The following GPLD1 variants were observed in gnomAD, a reference collection of about 807,000 sequenced individuals.
The protein encoded by GPLD1 is phosphatidylinositol-glycan-specific phospholipase D.
In GPLD1, 84 loss-of-function variants were observed where a neutral mutation model predicts 112.6. The ratio of observed to expected loss-of-function variants is 0.75; its 90% CI spans 0.63 to 0.89. The LOEUF is 0.89. Among genes scored for constraint, GPLD1 ranks in the 40% least tolerant of loss-of-function variants. The pLI, the probability that GPLD1 is intolerant of heterozygous loss-of-function variation, is 0.00. For synonymous variants in GPLD1, 386 were observed against 403.8 expected (o/e 0.96, Z 0.53); for missense variants, 1,044 against 1,051.5 (o/e 0.99, Z 0.10).
intron 14 of GPLD1, among the ~76,000 whole-genome samples, chr6:24,451,348 TTTTTTGTTTTTGA>T (rs1763079448): frequency 1.3e-5 from 2 of 150,228 alleles, no homozygotes; most frequent in African/African-American, 5.0e-5. Context: ...TTTGTTTTTG[TTTTTTGTTTTTGA>T]GATGGAGTTT....
intron 2 of GPLD1, among the ~76,000 whole-genome samples, chr6:24,480,509 T>C (rs1764166396): frequency 6.6e-6 from 1 of 152,156 alleles, no homozygotes; most frequent in Non-Finnish European, 1.5e-5. Flanking sequence ...TTTTATAAAA[T>C]TTTCAATGAT....
chr6:24,427,795 G>C lies in GPLD1; in HGVS notation c.*1237C>G, dbSNP rs538189641. Among the ~76,000 whole-genome samples, 2 of 132,608 alleles carry C rather than the reference G, an allele frequency of 1.5e-5. No individual in the cohort carries two copies. Among genetic ancestry groups the C allele is most frequent in the East Asian group, 4.4e-4 (2 of 4,540 alleles). 87.0% of individuals were successfully genotyped at this position (132,608 alleles called of 152,430 possible). A position where few individuals can be genotyped will look rare whatever the true frequency, so the allele number is the denominator to read the frequency against. The stretch of plus-strand genomic sequence containing the variant: ...TGGGAGGCGGAGGTTGCAGTGAGCT[G>C]AGATCACATCACTGCACTCCAGCCT... On this transcript the variant is annotated 3_prime_UTR_variant, in exon 25 of 25. Transcript: ENST00000230036.
chr6:24,464,990 C>T (rs1381893875), intron 10 of GPLD1, among the ~76,000 whole-genome samples: 2 of 150,680 alleles, frequency 1.3e-5, no homozygotes, highest in Non-Finnish European at 3.0e-5. Flanking sequence ...GTCAGGAGAT[C>T]GAGACCAGCC....
rs575771481 is a variant in GPLD1, at chr6:24,453,249, A to C, written c.1335+766T>G. Among the ~76,000 whole-genome samples, 8 of 152,330 alleles carry C rather than the reference A, an allele frequency of 5.3e-5. No homozygotes were observed. In the South Asian group the frequency reaches 1.0e-3, roughly 20 times the overall value. On this transcript the variant is annotated intron_variant, in intron 14 of 24. Coordinates refer to ENST00000230036, the MANE Select transcript of GPLD1 (RefSeq NM_001503.4). ...TTGTTTTTATTCTTAATTTTTGACA[A>C]GTATACCATAATTATGTAAGATGTT...
chr6:24,482,074 C>T (rs1764219446), intron 2 of GPLD1, among the ~76,000 whole-genome samples: 1 of 148,096 alleles, frequency 6.8e-6, no homozygotes, highest in African/African-American at 2.5e-5. Flanking sequence ...ATGTATCCTT[C>T]AGATATTAAA....
chr6:24,482,135 C>T (rs1422855599), intron 2 of GPLD1, among the ~76,000 whole-genome samples: 1 of 131,952 alleles, frequency 7.6e-6, no homozygotes, highest in African/African-American at 3.0e-5. Context: ...GAGTCTCACA[C>T]TGTCACCGGG....
rs1762266294 is a variant in GPLD1 at position 24,427,259 on chromosome 6, AC to A, written c.*1772del. 6.6e-6 allele frequency among the ~76,000 whole-genome samples: 1 copy of A among 152,186 alleles called. No individual in the cohort carries two copies. The highest frequency in any genetic ancestry group is 2.1e-4 in the South Asian group (1 of 4,820). Reference sequence around the variant, plus strand: ...AGGACTGACAAATGAAATCCATCCTACGAAAAACAGCCCAGGAACAAGCGAG... The same window carrying A: ...AGGACTGACAAATGAAATCCATCCTAGAAAAACAGCCCAGGAACAAGCGAG... On this transcript the variant is annotated 3_prime_UTR_variant, in exon 25 of 25. Transcript: ENST00000230036.
At chr6:24,445,704 G>A (rs1762888776) in intron 19 of GPLD1, 22 bp downstream of exon 19, 1 of 1,602,186 alleles carries the variant, frequency 6.2e-7, no homozygotes, top group African/African-American at 1.3e-5. Context: ...CCACTCTCCT[G>A]TGTGGGGAGG....
chr6:24,494,873 C>T (rs886346991), intron 1 of GPLD1: 25 of 1,113,388 alleles, frequency 2.2e-5, no homozygotes, highest in Non-Finnish European at 2.7e-5. Context: ...AACCTTCCGC[C>T]AGCTCCCACG....
At chr6:24,429,795 G>C (rs1228299188) in intron 24 of GPLD1, among the ~76,000 whole-genome samples, 1 of 152,154 alleles carries the variant, frequency 6.6e-6, no homozygotes. Flanking sequence ...TGATCCACCC[G>C]CCTCGGCTTC....
chr6:24,469,139 A>T (rs1169007495), intron 7 of GPLD1, among the ~76,000 whole-genome samples: 1 of 152,112 alleles, frequency 6.6e-6, no homozygotes, highest in Admixed American at 6.5e-5. Flanking sequence ...CAGGTGCTGG[A>T]GAGGATGTGG....
chr6:24,440,531 G>A (rs1762710896), intron 20 of GPLD1, among the ~76,000 whole-genome samples: 1 of 143,218 alleles, frequency 7.0e-6, no homozygotes, highest in Non-Finnish European at 1.5e-5. Context: ...CTATGAAGAT[G>A]TCAAGAAGAT....
chr6:24,467,011 A>G (rs1322401721), intron 8 of GPLD1, 72 bp from the exon 9 acceptor site: 1 of 1,356,550 alleles, frequency 7.4e-7, no homozygotes, highest in African/African-American at 1.4e-5. Context: ...TAATGAAGAA[A>G]AAGTTCCATC....
In GPLD1 at chr6:24,442,422, A is replaced by ATTTTTT. The variant is rs71002496; in HGVS notation, c.2020+3118_2020+3123dup. Among the ~76,000 whole-genome samples, 23 of 60,638 alleles carry ATTTTTT rather than the reference A, an allele frequency of 3.8e-4. 1 individual carries two copies. Among genetic ancestry groups the ATTTTTT allele is most frequent in the East Asian group, 5.7e-4 (1 of 1,744 alleles). The allele number at this position is 60,638 out of a possible 152,430, so 39.8% of individuals were successfully genotyped here. ...AGGTGCATGCCACCACATCTGGCTA[A>ATTTTTT]TTTTTTTTTTTTTTTTTTTTTTTTT... On this transcript the variant is annotated intron_variant, in intron 20 of 24. Coordinates refer to ENST00000230036, the MANE Select transcript of GPLD1 (RefSeq NM_001503.4).
At chr6:24,462,647 A>G in intron 11 of GPLD1, 83 bp downstream of exon 11, 1 of 858,660 alleles carries the variant, frequency 1.2e-6, no homozygotes, top group Non-Finnish European at 2.0e-6. Context: ...GTCTCTCAAC[A>G]GATCCCGTGT....
In GPLD1 at chr6:24,454,263, T is replaced by C. The variant is rs531708028; in HGVS notation, c.1149-62A>G. 1.4e-5 allele frequency: 17 copies of C among 1,222,370 alleles called. No homozygotes were observed. The East Asian group carries it at 4.5e-4, about 32-fold the overall frequency. 75.7% of individuals were successfully genotyped at this position (1,222,370 alleles called of 1,614,324 possible). A position where few individuals can be genotyped will look rare whatever the true frequency, so the allele number is the denominator to read the frequency against. ...GAGCACTAGGGTTAAAGCTGTCGCC[T>C]GCTTCTTTCCTTTCTAGAGCCCAGT... On this transcript the variant is annotated intron_variant, in intron 13 of 24. Transcript: ENST00000230036.
chr6:24,426,404 A>G lies in GPLD1; in HGVS notation c.*2628T>C, dbSNP rs1284136242. 6.6e-6 allele frequency among the ~76,000 whole-genome samples: 1 copy of G among 152,162 alleles called. No individual in the cohort carries two copies. On this transcript the variant is annotated 3_prime_UTR_variant, in exon 25 of 25. Transcript: ENST00000230036. Reference sequence around the variant, plus strand: ...TTTTACATACGTGCCATATCAGTTGACCTTTTACAGTAGGAGTATAATTTA... The same window carrying G: ...TTTTACATACGTGCCATATCAGTTGGCCTTTTACAGTAGGAGTATAATTTA...
upstream of GPLD1, among the ~76,000 whole-genome samples, chr6:24,494,451 T>C (rs1764637321): frequency 3.3e-5 from 5 of 152,070 alleles, no homozygotes; most frequent in South Asian, 1.0e-3. Context: ...GGGTCACACT[T>C]CGACCCCTCA....
chr6:24,446,774 C>T (rs1413526969), intron 18 of GPLD1, 64 bp downstream of exon 18: 23 of 1,521,492 alleles, frequency 1.5e-5, no homozygotes, highest in African/African-American at 5.5e-5. Context: ...ATGCTCAGTG[C>T]GCTCCATAGC....
Sources: allele counts gnomAD v4.1 joint callset (sites outside exome capture counted in the v4.1 genomes callset), GRCh38; gene constraint gnomAD v4.1.1; transcripts MANE v1.5; gene names NCBI Gene and HGNC (gene_info 2026-07-23, HGNC 2026-07-21).